SLC11A2: variants seen among roughly 807,000 people sequenced by gnomAD.
SLC11A2 encodes solute carrier family 11 member 2.
A neutral mutation model predicts 68.0 loss-of-function variants in SLC11A2; 38 were observed. The observed-to-expected ratio is 0.56, with a 90% CI of 0.43 to 0.73. The LOEUF is 0.73. Ranked by LOEUF, SLC11A2 falls within the 30% of genes least tolerant of loss-of-function variation. The probability of loss-of-function intolerance (pLI) is 0.00; values close to 1 mark genes in which losing one functional copy is unlikely to be tolerated. For synonymous variants in SLC11A2, 242 were observed against 250.6 expected, an observed-to-expected ratio of 0.97 and a Z score of 0.32; for missense variants, 517 against 690.5, an observed-to-expected ratio of 0.75 and a Z score of 2.82.
intron 1 of SLC11A2, among the ~76,000 whole-genome samples, chr12:51,018,511 T>A (rs1222091574): frequency 1.3e-5 from 2 of 151,684 alleles, no homozygotes; most frequent in East Asian, 3.9e-4. Flanking sequence ...AACAAAAGTT[T>A]GGGCCGAGTG....
Position 50,999,237 on chromosome 12 carries a change from C to T in SLC11A2, c.612G>A (p.Leu204=), listed in dbSNP as rs1941997026. The change falls in exon 8 of 16, where the codon TTG becomes TTA. Residue 204 remains leucine (L), a synonymous_variant. Transcript: ENST00000262052. ...AGCCAAAAAATGCTTCTAGCTTCCG[C>T]AAGCCTAAAGGAAAAAAGGCAGCAG... The part of the protein sequence containing the change: ...FVFLFLDKYG[L]RKLEAFFGFL... The T allele has an allele frequency of 6.2e-7, 1 of 1,614,124 alleles. No homozygotes were observed. Among genetic ancestry groups the T allele is most frequent in the Non-Finnish European group, 8.5e-7 (1 of 1,180,002 alleles).
chr12:50,976,331 G>A (rs1379167710), downstream of SLC11A2, among the ~76,000 whole-genome samples: 3 of 152,182 alleles, frequency 2.0e-5, no homozygotes, highest in Admixed American at 1.3e-4. Flanking sequence ...TGCAAGGCTG[G>A]TTCAACATAC....
At chr12:50,958,364 C>T in the SLC11A2 span, among the ~76,000 whole-genome samples, 15 of 150,264 alleles carry the variant, frequency 1.0e-4, no homozygotes, top group African/African-American at 3.4e-4. Context: ...TCACTGCAAG[C>T]TCTGCCTCCC....
the SLC11A2 span, among the ~76,000 whole-genome samples, chr12:50,966,632 T>G: frequency 3.9e-5 from 6 of 152,182 alleles, no homozygotes; most frequent in Non-Finnish European, 7.3e-5. Flanking sequence ...GCATTTCAAT[T>G]TCATTTAGTG....
In SLC11A2 at chr12:51,001,585, CAAAAA is replaced by C. The variant is rs57569917; in HGVS notation, c.430-1171_430-1167del. Among the ~76,000 whole-genome samples, 983 of 109,188 alleles carry C rather than the reference CAAAAA, an allele frequency of 9.0e-3. 13 individuals are homozygous for C. Among genetic ancestry groups the C allele is most frequent in the African/African-American group, 0.031 (909 of 29,710 alleles). 71.6% of individuals were successfully genotyped at this position (109,188 alleles called of 152,430 possible). On this transcript the variant is annotated intron_variant, in intron 5 of 15. Coordinates refer to ENST00000262052, the MANE Select transcript of SLC11A2 (RefSeq NM_000617.3). Reference sequence around the variant, plus strand: ...TACGTTCTTAATAAACTTGCTTTCACAAAAAAAAAAAAAAAAAGAAAGAAAGAAAG... The same window carrying C: ...TACGTTCTTAATAAACTTGCTTTCACAAAAAAAAAAAAGAAAGAAAGAAAG...
chr12:50,986,389 CATA>C lies in SLC11A2; in HGVS notation c.*1933_*1935del, dbSNP rs528056084. ...TATTTTTAACACTGTGAAGTACACA[CATA>C]ATATTATAAAATGCCATTTAATTGG... is the stretch of plus-strand genomic sequence containing the variant. On this transcript the variant is annotated 3_prime_UTR_variant, in exon 16 of 16. Coordinates refer to ENST00000262052, the MANE Select transcript of SLC11A2 (RefSeq NM_000617.3). 2.3e-4 allele frequency: 289 copies of C among 1,280,168 alleles called. No homozygotes were observed. The highest frequency in any genetic ancestry group is 3.2e-4 in the South Asian group (26 of 80,704). The allele number at this position is 1,280,168 out of a possible 1,614,324, so 79.3% of individuals were successfully genotyped here.
chr12:50,968,102 A>AAGGAGG, the SLC11A2 span, among the ~76,000 whole-genome samples: 9 of 147,354 alleles, frequency 6.1e-5, no homozygotes, highest in East Asian at 1.2e-3. Flanking sequence ...TAAGAAGAAG[A>AAGGAGG]AGGAGGAGGA....
intron 1 of SLC11A2, chr12:51,025,792 T>C (rs1592471141): frequency 2.0e-6 from 2 of 986,132 alleles, no homozygotes; most frequent in Non-Finnish European, 1.2e-6. Context: ...GAGCCGCGTA[T>C]GCAGGCTATT....
At chr12:50,981,653 AG>A, downstream of SLC11A2, 1 of 947,436 alleles carries the variant, frequency 1.1e-6, no homozygotes, top group Admixed American at 2.0e-5. Context: ...GAACTAACAG[AG>A]ACGTTAACGG....
intron 2 of SLC11A2, chr12:51,009,168 T>C (rs1307089215): frequency 1.3e-6 from 2 of 1,496,108 alleles, no homozygotes; most frequent in Non-Finnish European, 1.8e-6. Flanking sequence ...TCAAAAAATG[T>C]GCAAGTTACA....
rs1943153979 is a variant in SLC11A2 at position 51,010,771 on chromosome 12, A to C, written c.-38-5T>G. Reference sequence around the variant, plus strand: ...CTGAGTTCTTAGAATATGATTCTGGAAAGGAGAAAAGTGAGGGAGAAGAAT... The same window carrying C: ...CTGAGTTCTTAGAATATGATTCTGGCAAGGAGAAAAGTGAGGGAGAAGAAT... On this transcript the variant is annotated splice_polypyrimidine_tract_variant and splice_region_variant and intron_variant, in intron 1 of 15. Coordinates refer to ENST00000262052, the MANE Select transcript of SLC11A2 (RefSeq NM_000617.3). 6.4e-7 allele frequency: 1 copy of C among 1,569,182 alleles called. No homozygotes were observed. Among genetic ancestry groups the C allele is most frequent in the Admixed American group, 1.7e-5 (1 of 58,046 alleles).
upstream of SLC11A2, among the ~76,000 whole-genome samples, chr12:51,027,383 C>T (rs1944435594): frequency 6.6e-6 from 1 of 151,936 alleles, no homozygotes. Context: ...CCTCGCGCCC[C>T]CAGAGCCACA....
intron 3 of SLC11A2, 197 bp downstream of exon 3, chr12:51,008,279 C>CAGAA (rs1942918493): frequency 1.9e-6 from 1 of 517,748 alleles, no homozygotes; most frequent in Admixed American, 3.2e-5. Flanking sequence ...GACAGACAGA[C>CAGAA]AGAGATAGAT....
rs1213722232 is a variant in SLC11A2 at position 50,995,622 on chromosome 12, T to G, written c.990+7A>C. On this transcript the variant is annotated splice_region_variant and intron_variant, in intron 10 of 15. Coordinates refer to ENST00000262052, the MANE Select transcript of SLC11A2 (RefSeq NM_000617.3). ...TTCACTACCACCCATAACCCTGGCT[T>G]ACTCACCACCTGCTCGTTGGTTTTC... is the stretch of plus-strand genomic sequence containing the variant. The G allele has an allele frequency of 1.2e-6, 2 of 1,614,106 alleles. No homozygotes were observed. The highest frequency in any genetic ancestry group is 4.5e-5 in the East Asian group (2 of 44,882).
intron 11 of SLC11A2, among the ~76,000 whole-genome samples, chr12:50,994,259 C>G (rs1941486497): frequency 6.6e-6 from 1 of 152,118 alleles, no homozygotes; most frequent in African/African-American, 2.4e-5. Context: ...GTTGGTCAGG[C>G]TGGTCTTGAA....
chr12:50,991,520 C>T (rs1481964737), intron 14 of SLC11A2, 79 bp downstream of exon 14: 8 of 1,093,990 alleles, frequency 7.3e-6, no homozygotes, highest in Admixed American at 1.9e-5. Context: ...CTGTGTCTCA[C>T]GTCTGACTGG....
chr12:51,028,388 G>A, upstream of SLC11A2: 1 of 533,032 alleles, frequency 1.9e-6, no homozygotes, highest in Non-Finnish European at 3.3e-6. Context: ...GCCCTCCAAA[G>A]CCTAATCAGA....
At chr12:50,976,040 C>G (rs1939844229), downstream of SLC11A2, among the ~76,000 whole-genome samples, 1 of 152,206 alleles carries the variant, frequency 6.6e-6, no homozygotes, top group African/African-American at 2.4e-5. Context: ...CAGACGGATT[C>G]ACAGCCGAAT....
intron 5 of SLC11A2, chr12:51,000,667 A>G (rs1453304913): frequency 1.7e-6 from 1 of 585,732 alleles, no homozygotes; most frequent in Admixed American, 3.2e-5. Context: ...AATTGATCTT[A>G]CTTTTTTCTT....
Sources: gnomAD v4.1 joint callset for allele counts (sites outside exome capture counted in the v4.1 genomes callset) on GRCh38, gnomAD v4.1.1 for gene constraint, MANE v1.5 for transcripts, NCBI Gene and HGNC (gene_info 2026-07-23, HGNC 2026-07-21) for gene names.